Variants in SHTN1 observed in about 807,000 individuals in gnomAD.
The protein encoded by SHTN1 is shootin 1, also known as shootin-1.
Under a neutral mutation model 83.1 loss-of-function variants are expected in SHTN1, and 42 were observed. The ratio of observed to expected loss-of-function variants is 0.51; its 90% CI spans 0.39 to 0.65. The LOEUF is 0.65. Among genes scored for constraint, SHTN1 ranks in the 30% least tolerant of loss-of-function variants. The probability of loss-of-function intolerance (pLI) is 0.00; values close to 1 mark genes in which losing one functional copy is unlikely to be tolerated. For synonymous variants in SHTN1, 224 were observed against 247.7 expected, an observed-to-expected ratio of 0.90 and a Z score of 0.90; for missense variants, 622 against 737.8, an observed-to-expected ratio of 0.84 and a Z score of 1.82.
At chr10:117,061,579 C>G (rs985526800) in intron 1 of SHTN1, among the ~76,000 whole-genome samples, 2 of 152,046 alleles carry the variant, frequency 1.3e-5, no homozygotes, top group Admixed American at 6.6e-5. Flanking sequence ...AAGCGATTCT[C>G]CTGCCTCAGT....
intron 1 of SHTN1, among the ~76,000 whole-genome samples, chr10:117,079,026 T>TA (rs978533712): frequency 4.5e-4 from 46 of 102,110 alleles, no homozygotes; most frequent in South Asian, 5.4e-4. Flanking sequence ...TTTGTGAATT[T>TA]TTTTTATTTT....
chr10:116,925,868 T>C (rs1848727919), intron 11 of SHTN1, among the ~76,000 whole-genome samples: 2 of 152,216 alleles, frequency 1.3e-5, no homozygotes, highest in African/African-American at 4.8e-5. Flanking sequence ...CTTTCATTTC[T>C]AACCATGATT....
chr10:116,997,007 T>C (rs1851649136), intron 1 of SHTN1, among the ~76,000 whole-genome samples: 1 of 152,196 alleles, frequency 6.6e-6, no homozygotes, highest in South Asian at 2.1e-4. Context: ...GAGCTAAAGA[T>C]AATTAGGATG....
chr10:116,921,522 G>C lies in SHTN1; in HGVS notation c.1113-6C>G. 6.2e-7 allele frequency: 1 copy of C among 1,607,896 alleles called. No individual in the cohort carries two copies. Among genetic ancestry groups the C allele is most frequent in the Non-Finnish European group, 8.5e-7 (1 of 1,177,044 alleles). ...GGATCATGGACATGAGGGATCTTTG[G>C]GAGAAAGAAAAAGATCAACAGGAGA... On this transcript the variant is annotated splice_region_variant and splice_polypyrimidine_tract_variant and intron_variant, in intron 11 of 16. Transcript: ENST00000355371.
At chr10:117,096,358 T>C (rs1410059904) in intron 1 of SHTN1, among the ~76,000 whole-genome samples, 1 of 152,234 alleles carries the variant, frequency 6.6e-6, no homozygotes, top group Non-Finnish European at 1.5e-5. Flanking sequence ...AAAAGGCTTC[T>C]GGCTTTTAAG....
At chr10:117,089,822 T>C (rs1853402565) in intron 1 of SHTN1, among the ~76,000 whole-genome samples, 1 of 151,586 alleles carries the variant, frequency 6.6e-6, no homozygotes, top group African/African-American at 2.4e-5. Context: ...ACTAGGAAAA[T>C]GAAAATCATT....
At chr10:117,011,012 C>T (rs1852095629) in intron 2 of SHTN1, among the ~76,000 whole-genome samples, 1 of 152,070 alleles carries the variant, frequency 6.6e-6, no homozygotes, top group Admixed American at 6.6e-5. Context: ...AAATTAGGAA[C>T]GAGACAAGAA....
At chr10:116,887,461 C>T (rs1847201999) in intron 16 of SHTN1, among the ~76,000 whole-genome samples, 1 of 152,030 alleles carries the variant, frequency 6.6e-6, no homozygotes, top group Non-Finnish European at 1.5e-5. Context: ...GCCTTTTTGT[C>T]CCTGAGAACT....
At position 116,903,083 on chromosome 10, in the gene SHTN1, A is replaced by T. The variant is rs75744232; in HGVS notation, c.1481-1126T>A. 6.3e-3 allele frequency among the ~76,000 whole-genome samples: 959 copies of T among 152,348 alleles called. 12 individuals carry two copies. Among genetic ancestry groups the T allele is most frequent in the African/African-American group, 0.022 (919 of 41,578 alleles). ...AAAAATTGTGAACCCATTCTGTTGG[A>T]CACCTCTCTGAGCCTTGCTCTATGC... On this transcript the variant is annotated intron_variant, in intron 15 of 16. Coordinates refer to ENST00000355371, the MANE Select transcript of SHTN1 (RefSeq NM_001127211.3).
rs535001483 is a variant in SHTN1 at position 117,041,760 on chromosome 10, C to T, written c.-123+6685G>A. ...ACCGCTAGCCCATCACGTGAAGAGA[C>T]GCTTAAAATCATTAGTATTTTAAAG... On this transcript the variant is annotated intron_variant, in intron 2 of 17. Coordinates refer to the SHTN1 transcript ENST00000392901. 5.9e-5 allele frequency among the ~76,000 whole-genome samples: 9 copies of T among 152,246 alleles called. 1 individual carries two copies. In the South Asian group the frequency reaches 8.3e-4, roughly 14 times the overall value.
chr10:116,975,305 G>C (rs1850760892), intron 2 of SHTN1, among the ~76,000 whole-genome samples: 1 of 152,158 alleles, frequency 6.6e-6, no homozygotes, highest in Non-Finnish European at 1.5e-5. Context: ...TTCTGCTTGT[G>C]AGAGAGTTAG....
At chr10:117,022,141 C>T (rs1015067110) in intron 2 of SHTN1, among the ~76,000 whole-genome samples, 1 of 152,076 alleles carries the variant, frequency 6.6e-6, no homozygotes, top group African/African-American at 2.4e-5. Context: ...ATATAGTCTG[C>T]CTGAATCTCT....
chr10:116,963,640 G>C (rs1850285069), intron 3 of SHTN1, among the ~76,000 whole-genome samples: 1 of 152,164 alleles, frequency 6.6e-6, no homozygotes, highest in East Asian at 1.9e-4. Context: ...ATGATATGAT[G>C]ACTGGAATTA....
chr10:117,065,636 T>C (rs1036813659), intron 1 of SHTN1, among the ~76,000 whole-genome samples: 1 of 149,690 alleles, frequency 6.7e-6, no homozygotes, highest in Non-Finnish European at 1.5e-5. Flanking sequence ...GAGAATTACT[T>C]GAACCTAAGA....
At chr10:116,936,738 G>A (rs557501319) in intron 9 of SHTN1, among the ~76,000 whole-genome samples, 26 of 152,020 alleles carry the variant, frequency 1.7e-4, no homozygotes, top group East Asian at 9.7e-4. Flanking sequence ...TTTCTGTCTC[G>A]TTGATCTAAT....
intron 3 of SHTN1, among the ~76,000 whole-genome samples, chr10:116,966,066 G>A (rs1356930052): frequency 6.6e-6 from 1 of 152,088 alleles, no homozygotes; most frequent in African/African-American, 2.4e-5. Flanking sequence ...GAGTGCAGTG[G>A]CAAGATCTTG....
At position 116,886,140 on chromosome 10, in the gene SHTN1, A is replaced by G; in HGVS notation, c.*204T>C. On this transcript the variant is annotated 3_prime_UTR_variant, in exon 17 of 17. Coordinates refer to ENST00000355371, the MANE Select transcript of SHTN1 (RefSeq NM_001127211.3). Reference sequence around the variant, plus strand: ...ACCTCATCTTTATAAAGATCAAAAAACCAAAACCTACTAGGAATGTGTGTT... The same window carrying G: ...ACCTCATCTTTATAAAGATCAAAAAGCCAAAACCTACTAGGAATGTGTGTT... The G allele has an allele frequency of 1.4e-6, 1 of 702,706 alleles. No individual in the cohort carries two copies. Among genetic ancestry groups the G allele is most frequent in the Admixed American group, 3.2e-5 (1 of 31,610 alleles). The allele number at this position is 702,706 out of a possible 1,614,324, so 43.5% of individuals were successfully genotyped here. A position where few individuals can be genotyped will look rare whatever the true frequency, so the allele number is the denominator to read the frequency against.
chr10:117,099,798 C>T (rs1189081435), intron 1 of SHTN1, among the ~76,000 whole-genome samples: 1 of 152,028 alleles, frequency 6.6e-6, no homozygotes, highest in Non-Finnish European at 1.5e-5. Context: ...CCAAAGTTTT[C>T]CCCTTACCAA....
intron 1 of SHTN1, among the ~76,000 whole-genome samples, chr10:117,110,867 T>G (rs1446782403): frequency 1.3e-5 from 2 of 152,096 alleles, no homozygotes; most frequent in Non-Finnish European, 2.9e-5. Context: ...TTCTCAAACT[T>G]TAGAGTGCAC....
Sources: allele counts gnomAD v4.1 joint callset (sites outside exome capture counted in the v4.1 genomes callset), GRCh38; gene constraint gnomAD v4.1.1; transcripts MANE v1.5; gene names NCBI Gene and HGNC (gene_info 2026-07-23, HGNC 2026-07-21).